TOX4: variants seen among roughly 807,000 people sequenced by gnomAD.
TOX4 encodes the protein TOX high mobility group box family member 4, also known as epidermal Langerhans cell protein LCP1.
A neutral mutation model predicts 61.0 loss-of-function variants in TOX4; 12 were observed. The observed-to-expected ratio is 0.20, with a 90% CI of 0.13 to 0.32. TOX4 has a LOEUF of 0.32. Among genes scored for constraint, TOX4 ranks in the 10% least tolerant of loss-of-function variants. TOX4 has a pLI of 1.00. For synonymous variants in TOX4, 268 were observed against 274.8 expected (o/e 0.98, Z 0.24); for missense variants, 499 against 753.3 (o/e 0.66, Z 3.95).
chr14:21,489,805 TCTC>T (rs1891254705), intron 5 of TOX4, among the ~76,000 whole-genome samples: 1 of 151,882 alleles, frequency 6.6e-6, no homozygotes, highest in African/African-American at 2.4e-5. Flanking sequence ...ATGGTCTCGA[TCTC>T]CTGACCTCGT....
chr14:21,482,381 G>T (rs566343945), intron 2 of TOX4, among the ~76,000 whole-genome samples: 1 of 152,240 alleles, frequency 6.6e-6, no homozygotes, highest in Non-Finnish European at 1.5e-5. Context: ...ATAGGTGTTG[G>T]ATTAAAATAA....
chr14:21,481,051 T>C lies in TOX4; in HGVS notation c.75+3487T>C, dbSNP rs1225205045. 5.9e-5 allele frequency among the ~76,000 whole-genome samples: 9 copies of C among 152,124 alleles called. No individual in the cohort carries two copies. In the South Asian group the frequency reaches 1.5e-3, roughly 25 times the overall value. Reference sequence around the variant, plus strand: ...GTTGTGGTGAGCTGAGATTGTACCATTGCACTCCAGCCTGGGCAACAAGAG... The same window carrying C: ...GTTGTGGTGAGCTGAGATTGTACCACTGCACTCCAGCCTGGGCAACAAGAG... On this transcript the variant is annotated intron_variant, in intron 2 of 8. Transcript: ENST00000448790.
chr14:21,488,796 C>T lies in TOX4; in HGVS notation c.525C>T (p.Thr175=). ...PAQSPEDRLS[T]TPSPTSSLHE... Reference sequence around the variant, plus strand: ...AGTCACCTGAAGATCGTCTTTCAACCACCCCTTCACCTACTAGTTCACTTC... The same window carrying T: ...AGTCACCTGAAGATCGTCTTTCAACTACCCCTTCACCTACTAGTTCACTTC... The change falls in exon 4 of 9, where the codon ACC becomes ACT. Residue 175 remains threonine (T), a synonymous_variant. Transcript: ENST00000448790. 1.2e-6 allele frequency: 2 copies of T among 1,614,198 alleles called. No homozygotes were observed. Among genetic ancestry groups the T allele is most frequent in the Non-Finnish European group, 1.7e-6 (2 of 1,180,042 alleles).
rs538583774 is a variant in TOX4 at position 21,489,704 on chromosome 14, G to C, written c.810+301G>C. 5.0e-4 allele frequency among the ~76,000 whole-genome samples: 76 copies of C among 151,928 alleles called. 1 individual carries two copies. The South Asian group carries it at 0.01, about 20-fold the overall frequency. The stretch of plus-strand genomic sequence containing the variant: ...CGCCATTCTCCTGCTTCAGCCTCCC[G>C]AGTAGCTGGGACTGCAGGCGCTTCC... On this transcript the variant is annotated intron_variant, in intron 5 of 8. Transcript: ENST00000448790.
chr14:21,490,575 G>T (rs1594429518), intron 5 of TOX4, among the ~76,000 whole-genome samples: 1 of 152,138 alleles, frequency 6.6e-6, no homozygotes, highest in East Asian at 1.9e-4. Flanking sequence ...GGAGCCCACT[G>T]CCCAGTTAAG....
chr14:21,494,123 TC>T (rs1344836635), intron 7 of TOX4, among the ~76,000 whole-genome samples: 11 of 152,204 alleles, frequency 7.2e-5, no homozygotes, highest in Non-Finnish European at 1.6e-4. Context: ...GGTCACTAGT[TC>T]AACTGGACAG....
At chr14:21,490,424 G>A (rs950369862) in intron 5 of TOX4, among the ~76,000 whole-genome samples, 7 of 151,574 alleles carry the variant, frequency 4.6e-5, no homozygotes, top group East Asian at 1.9e-4. Context: ...GCGGTGAGCC[G>A]AGATCATGCC....
intron 1 of TOX4, 27 bp from the exon 2 acceptor site, chr14:21,477,469 T>G (rs1175753057): frequency 6.8e-6 from 11 of 1,612,806 alleles, no homozygotes; most frequent in Non-Finnish European, 9.3e-6. Context: ...CCCTAACTTA[T>G]CCCCGCGACT....
intron 3 of TOX4, chr14:21,487,957 T>C (rs1891216295): frequency 3.2e-6 from 1 of 312,974 alleles, no homozygotes; most frequent in Non-Finnish European, 5.7e-6. Context: ...TTTCTGCTTT[T>C]ATTATGGCCT....
At position 21,496,657 on chromosome 14, in the gene TOX4, A is replaced by G; in HGVS notation, c.*51A>G. 6.5e-7 allele frequency: 1 copy of G among 1,548,612 alleles called. No homozygotes were observed. The highest frequency in any genetic ancestry group is 8.9e-7 in the Non-Finnish European group (1 of 1,125,138). On this transcript the variant is annotated 3_prime_UTR_variant, in exon 9 of 9. Transcript: ENST00000448790. The stretch of plus-strand genomic sequence containing the variant: ...AGAGTTATCTGCTGGGAAAGTGTCC[A>G]AGAGCCTGTTTTTGAAACACAAGCT...
chr14:21,498,283 A>G lies in TOX4; in HGVS notation c.*1677A>G. ...CTATAAATTCTTAGGTTTAGAGATGATACCATCTGGGTACCTTTGCTTGAA... is the reference window on the plus strand; with the variant it reads ...CTATAAATTCTTAGGTTTAGAGATGGTACCATCTGGGTACCTTTGCTTGAA... On this transcript the variant is annotated 3_prime_UTR_variant, in exon 9 of 9. Transcript: ENST00000448790. 2 of 1,609,084 alleles carry G rather than the reference A, an allele frequency of 1.2e-6. No individual in the cohort carries two copies. The highest frequency in any genetic ancestry group is 1.7e-6 in the Non-Finnish European group (2 of 1,175,364).
At chr14:21,483,467 T>G (rs1308715026) in intron 2 of TOX4, among the ~76,000 whole-genome samples, 1 of 151,142 alleles carries the variant, frequency 6.6e-6, no homozygotes, top group Non-Finnish European at 1.5e-5. Context: ...AAACCTAAAC[T>G]GAAATATCAG....
chr14:21,488,575 T>G lies in TOX4; in HGVS notation c.319-15T>G. Reference sequence around the variant, plus strand: ...TTTATATTTAGTGTTTAATTAGTCCTTCTGCTTCTCTCAGGACTTGGACCA... The same window carrying G: ...TTTATATTTAGTGTTTAATTAGTCCGTCTGCTTCTCTCAGGACTTGGACCA... On this transcript the variant is annotated splice_polypyrimidine_tract_variant and intron_variant, in intron 3 of 8. Coordinates refer to ENST00000448790, the MANE Select transcript of TOX4 (RefSeq NM_014828.4). The G allele has an allele frequency of 6.2e-7, 1 of 1,608,400 alleles. No individual in the cohort carries two copies. Among genetic ancestry groups the G allele is most frequent in the Non-Finnish European group, 8.5e-7 (1 of 1,175,082 alleles).
rs1442454725 is a variant in TOX4, at chr14:21,489,167, C to G, written c.580-6C>G. The G allele has an allele frequency of 6.2e-7, 1 of 1,610,188 alleles. No individual in the cohort carries two copies. The highest frequency in any genetic ancestry group is 8.5e-7 in the Non-Finnish European group (1 of 1,178,944). On this transcript the variant is annotated splice_polypyrimidine_tract_variant and splice_region_variant and intron_variant, in intron 4 of 8. Transcript: ENST00000448790. ...TGTGTAATTCTCTCTTTTTTCTCTC[C>G]TACAGCAACTTCCCAGCCAGAAGAC...
chr14:21,488,462 A>T, intron 3 of TOX4, 128 bp from the exon 4 acceptor site: 1 of 897,170 alleles, frequency 1.1e-6, no homozygotes, highest in Non-Finnish European at 1.7e-6. Context: ...TTTGAAGACT[A>T]TTTTATGTTT....
In TOX4 at chr14:21,497,110, A is replaced by T. The variant is rs1447872708; in HGVS notation, c.*504A>T. 2.0e-5 allele frequency: 3 copies of T among 153,678 alleles called. No homozygotes were observed. The highest frequency in any genetic ancestry group is 1.9e-4 in the Admixed American group (3 of 15,588). The allele number at this position is 153,678 out of a possible 1,614,324, so 9.5% of individuals were successfully genotyped here. On this transcript the variant is annotated 3_prime_UTR_variant, in exon 9 of 9. Transcript: ENST00000448790. ...CATGGGCATACTGGGCTACATGGAA[A>T]ATGACATCACCCAGGAGTGATTTCT... is the stretch of plus-strand genomic sequence containing the variant.
At position 21,497,527 on chromosome 14, in the gene TOX4, T is replaced by C. The variant is rs1385831703; in HGVS notation, c.*921T>C. 1 of 21,602 alleles carries C rather than the reference T, an allele frequency of 4.6e-5. No homozygotes were observed. The highest frequency in any genetic ancestry group is 1.2e-4 in the Non-Finnish European group (1 of 8,174). 1.3% of individuals were successfully genotyped at this position (21,602 alleles called of 1,614,324 possible). A position where few individuals can be genotyped will look rare whatever the true frequency, so the allele number is the denominator to read the frequency against. On this transcript the variant is annotated 3_prime_UTR_variant, in exon 9 of 9. Transcript: ENST00000448790. ...TGTTTTCTGTGTGTTTTTTGTTTTT[T>C]TTTTTTTTTTTTTTTTTTGAGACAG...
At chr14:21,478,550 T>C (rs1057000770) in intron 2 of TOX4, among the ~76,000 whole-genome samples, 13 of 152,216 alleles carry the variant, frequency 8.5e-5, no homozygotes, top group Non-Finnish European at 8.8e-5. Flanking sequence ...AATATAGATA[T>C]GTATCACTTG....
intron 2 of TOX4, chr14:21,482,456 C>T (rs920038408): frequency 7.3e-6 from 3 of 412,480 alleles, no homozygotes; most frequent in African/African-American, 4.2e-5. Flanking sequence ...GTTTTGGGAT[C>T]AGAGAATGAA....
Sources: gnomAD v4.1 joint callset for allele counts (sites outside exome capture counted in the v4.1 genomes callset) on GRCh38, gnomAD v4.1.1 for gene constraint, MANE v1.5 for transcripts, NCBI Gene and HGNC (gene_info 2026-07-23, HGNC 2026-07-21) for gene names.